GSDMC: variants seen among roughly 807,000 people sequenced by gnomAD.
GSDMC encodes the protein gasdermin-C.
GSDMC carries 59 observed loss-of-function variants against 58.0 expected under a neutral mutation model. The observed-to-expected ratio is 1.02, with a 90% CI of 0.82 to 1.26. The LOEUF (loss-of-function observed/expected upper bound fraction) is 1.26. Ranked by LOEUF, GSDMC falls within the 50% of genes most tolerant of loss-of-function variation. GSDMC has a pLI of 0.00. For missense variants in GSDMC, 659 were observed against 598.5 expected (o/e 1.10, Z -1.06); for synonymous variants, 241 against 220.2 (o/e 1.09, Z -0.83).
chr8:129,733,574 G>A, the GSDMC span, among the ~76,000 whole-genome samples: 8 of 152,214 alleles, frequency 5.3e-5, no homozygotes, highest in Non-Finnish European at 1.2e-4. Flanking sequence ...CTGCAGCTGA[G>A]GGACCTGACT....
At chr8:129,783,519 G>A (rs1433654592) in intron 1 of GSDMC, among the ~76,000 whole-genome samples, 2 of 151,958 alleles carry the variant, frequency 1.3e-5, no homozygotes, top group Non-Finnish European at 2.9e-5. Context: ...TAAATTCTTA[G>A]GAATTAATTT....
chr8:129,715,720 C>G, the GSDMC span, among the ~76,000 whole-genome samples: 1 of 152,028 alleles, frequency 6.6e-6, no homozygotes, highest in Non-Finnish European at 1.5e-5. Flanking sequence ...TGATATCAGA[C>G]GGAAATGTGG....
chr8:129,734,247 C>T, the GSDMC span, among the ~76,000 whole-genome samples: 1 of 152,204 alleles, frequency 6.6e-6, no homozygotes, highest in Non-Finnish European at 1.5e-5. Flanking sequence ...TTGGAAAACA[C>T]TCTTCAGGAT....
At chr8:129,760,636 T>TGCCTGAGTCTCTCCCATA (rs11276511) in intron 5 of GSDMC, 47 bp from the exon 6 acceptor site, 18 of 1,083,580 alleles carry the variant, frequency 1.7e-5, no homozygotes, top group Non-Finnish European at 2.5e-5. Flanking sequence ...AGGTTATTCC[T>TGCCTGAGTCTCTCCCATA]GCCTGAACCT....
chr8:129,717,164 A>G, the GSDMC span, among the ~76,000 whole-genome samples: 1 of 144,620 alleles, frequency 6.9e-6, no homozygotes, highest in South Asian at 2.2e-4. Flanking sequence ...CTCTTTTTCT[A>G]TTGTTTGGAA....
At chr8:129,785,554 A>G (rs1276930153) in intron 1 of GSDMC, among the ~76,000 whole-genome samples, 5 of 151,696 alleles carry the variant, frequency 3.3e-5, no homozygotes, top group Non-Finnish European at 7.4e-5. Flanking sequence ...AAACAGTATA[A>G]TTGTATTGTT....
the GSDMC span, among the ~76,000 whole-genome samples, chr8:129,732,461 A>G: frequency 6.6e-6 from 1 of 152,278 alleles, no homozygotes; most frequent in Non-Finnish European, 1.5e-5. Flanking sequence ...CACTAAAATA[A>G]TTACAAATAT....
intron 3 of GSDMC, among the ~76,000 whole-genome samples, chr8:129,774,537 AAAAAG>A (rs948828149): frequency 3.3e-5 from 5 of 151,796 alleles, no homozygotes; most frequent in African/African-American, 9.7e-5. Flanking sequence ...GCAAAAAAAA[AAAAAG>A]AAAAGAAAAG....
In GSDMC at chr8:129,765,684, C is replaced by T. The variant is rs375510820; in HGVS notation, c.514G>A (p.Asp172Asn). 17 of 1,612,476 alleles carry T rather than the reference C, an allele frequency of 1.1e-5. No individual in the cohort carries two copies. In the African/African-American group the frequency reaches 1.6e-4, roughly 15 times the overall value. Residue 172 changes from aspartate (D) to asparagine (N), a missense_variant, in exon 4 of 14, where the codon GAT (aspartate) becomes AAT (asparagine). Transcript: ENST00000276708. ...VELINNTVLY[D>N]SSSVNILGKI... ...CCTAAAATATTCACACTACTGCTAT[C>T]GTACAGCACAGTATTGTTGATCAGT...
At chr8:129,709,798 A>C in the GSDMC span, among the ~76,000 whole-genome samples, 1 of 152,126 alleles carries the variant, frequency 6.6e-6, no homozygotes, top group Non-Finnish European at 1.5e-5. Flanking sequence ...ATGTCTCCTC[A>C]AAAATGTCAA....
At chr8:129,763,889 T>G (rs2033762766) in intron 4 of GSDMC, among the ~76,000 whole-genome samples, 1 of 152,150 alleles carries the variant, frequency 6.6e-6, no homozygotes, top group African/African-American at 2.4e-5. Context: ...CTCCAAATTT[T>G]TTTAATGAAT....
the GSDMC span, among the ~76,000 whole-genome samples, chr8:129,710,978 T>C: frequency 6.6e-6 from 1 of 152,218 alleles, no homozygotes; most frequent in Admixed American, 6.5e-5. Flanking sequence ...GCAGCCGTCT[T>C]GCAGATTCAT....
the GSDMC span, among the ~76,000 whole-genome samples, chr8:129,715,139 G>A: frequency 9.2e-5 from 14 of 152,224 alleles, no homozygotes; most frequent in African/African-American, 3.4e-4. Flanking sequence ...TTAAGACACA[G>A]GGTCATAAAC....
the GSDMC span, among the ~76,000 whole-genome samples, chr8:129,721,972 G>A: frequency 3.3e-5 from 5 of 152,012 alleles, no homozygotes; most frequent in African/African-American, 4.8e-5. Flanking sequence ...TGGAAAAGAC[G>A]GTCCCCAAAA....
chr8:129,781,394 C>A (rs1563817307), intron 1 of GSDMC, among the ~76,000 whole-genome samples: 1 of 152,098 alleles, frequency 6.6e-6, no homozygotes, highest in Non-Finnish European at 1.5e-5. Context: ...TTGTATCAGA[C>A]AAAATAGATT....
At chr8:129,773,442 A>C (rs528881281) in intron 3 of GSDMC, among the ~76,000 whole-genome samples, 1 of 152,240 alleles carries the variant, frequency 6.6e-6, no homozygotes, top group Middle Eastern at 3.2e-3. Context: ...CAAAATCAAC[A>C]TTAAAAATCA....
At chr8:129,762,530 G>T (rs1215705310) in intron 5 of GSDMC, 96 bp downstream of exon 5, 1 of 790,312 alleles carries the variant, frequency 1.3e-6, no homozygotes, top group South Asian at 1.5e-5. Flanking sequence ...AGCATCAAAG[G>T]TTGCATACTA....
intron 1 of GSDMC, among the ~76,000 whole-genome samples, chr8:129,782,561 T>C (rs1312545426): frequency 1.3e-5 from 2 of 152,114 alleles, no homozygotes; most frequent in South Asian, 2.1e-4. Flanking sequence ...CAAAGGATTA[T>C]TGGCAGCTAC....
At chr8:129,729,878 G>T in the GSDMC span, 1 of 1,026,704 alleles carries the variant, frequency 9.7e-7, no homozygotes, top group Non-Finnish European at 1.5e-6. Flanking sequence ...AAGCAGTATT[G>T]CCCCAACCTA....
Sources: gnomAD v4.1 joint callset for allele counts (sites outside exome capture counted in the v4.1 genomes callset) on GRCh38, gnomAD v4.1.1 for gene constraint, MANE v1.5 for transcripts, NCBI Gene and HGNC (gene_info 2026-07-23, HGNC 2026-07-21) for gene names.